KDM4B: variants seen among roughly 807,000 people sequenced by gnomAD.
KDM4B encodes lysine demethylase 4B.
Under a neutral mutation model 125.2 loss-of-function variants are expected in KDM4B, and 32 were observed. The ratio of observed to expected loss-of-function variants is 0.26; its 90% CI spans 0.19 to 0.34. KDM4B has a LOEUF of 0.34. KDM4B is among the 10% of genes least tolerant of loss of function. The pLI, the probability that KDM4B is intolerant of heterozygous loss-of-function variation, is 1.00. For synonymous variants in KDM4B, 721 were observed against 677.9 expected (o/e 1.06, Z -0.99); for missense variants, 1,190 against 1,577.7 (o/e 0.75, Z 4.16).
At chr19:5,128,570 G>A (rs1307441778) in intron 11 of KDM4B, among the ~76,000 whole-genome samples, 2 of 152,192 alleles carry the variant, frequency 1.3e-5, no homozygotes, top group Non-Finnish European at 1.5e-5. Flanking sequence ...GTCCTCAAGT[G>A]CCTTTTACAC....
rs1012410396 is a variant in KDM4B, at chr19:4,974,225, G to A, written c.-109+4995G>A. Among the ~76,000 whole-genome samples, 4 of 151,666 alleles carry A rather than the reference G, an allele frequency of 2.6e-5. No individual in the cohort carries two copies. The South Asian group carries it at 8.3e-4, about 32-fold the overall frequency. On this transcript the variant is annotated intron_variant, in intron 1 of 22. Transcript: ENST00000159111. The stretch of plus-strand genomic sequence containing the variant: ...ATCCTGGCTAACACCGTGAAACCCC[G>A]TCTCTACTAAAAATGCAAAAAAAAT...
At chr19:5,094,431 G>T (rs552353610) in intron 9 of KDM4B, among the ~76,000 whole-genome samples, 2 of 152,184 alleles carry the variant, frequency 1.3e-5, no homozygotes, top group Admixed American at 6.5e-5. Flanking sequence ...CACCATGTGC[G>T]GGGGGGAGGC....
chr19:5,003,263 C>T lies in KDM4B; in HGVS notation c.-108-12994C>T, dbSNP rs115497482. On this transcript the variant is annotated intron_variant, in intron 1 of 22. Transcript: ENST00000159111. ...TCATAGCACTTTGGGCCCAGGCGGG[C>T]GGATCACCTGAGGTCAGGAGTTCGA... 7.7e-3 allele frequency among the ~76,000 whole-genome samples: 1,166 copies of T among 151,754 alleles called. 13 individuals carry two copies. The highest frequency in any genetic ancestry group is 0.027 in the African/African-American group (1,116 of 41,362).
intron 10 of KDM4B, chr19:5,111,943 G>GT: frequency 1.5e-6 from 1 of 674,600 alleles, no homozygotes. Flanking sequence ...TAATTTTTCT[G>GT]TTTTGAGCCA....
At chr19:4,990,953 T>C (rs57779274) in intron 1 of KDM4B, among the ~76,000 whole-genome samples, 12,401 of 151,494 alleles carry the variant, frequency 0.082, 1,509 homozygotes, top group African/African-American at 0.26. Flanking sequence ...AAACCTCGTC[T>C]TTACTAAAAA....
intron 9 of KDM4B, among the ~76,000 whole-genome samples, chr19:5,086,705 C>T (rs1169232722): frequency 2.0e-5 from 3 of 152,178 alleles, no homozygotes; most frequent in African/African-American, 4.8e-5. Context: ...GCAGGTTGGC[C>T]CCCACCGCCT....
At position 5,144,298 on chromosome 19, in the gene KDM4B, C is replaced by A; in HGVS notation, c.2787C>A (p.Asn929Lys). 6.3e-7 allele frequency: 1 copy of A among 1,592,982 alleles called. No individual in the cohort carries two copies. Among genetic ancestry groups the A allele is most frequent in the South Asian group, 1.1e-5 (1 of 87,910 alleles). Residue 929 changes from asparagine (N) to lysine (K), a missense_variant, in exon 20 of 23, where the codon AAC becomes AAA. Physicochemically the swap from Asn to Lys is moderately conservative, Grantham distance 94 (BLOSUM62 0). Transcript: ENST00000159111. ...VSLGQVVITKNRNGLYYRCRV... is the reference protein window; with the variant it reads ...VSLGQVVITKKRNGLYYRCRV... ...TAGGCCAGGTGGTCATCACCAAGAA[C>A]CGCAACGGGCTGTACTACCGCTGTC...
chr19:5,092,622 C>T (rs1038465093), intron 9 of KDM4B, among the ~76,000 whole-genome samples: 18 of 152,148 alleles, frequency 1.2e-4, no homozygotes, highest in Non-Finnish European at 4.4e-5. Context: ...AGAGCTGGTT[C>T]GGGGGCTGCA....
rs568036504 is a variant in KDM4B, at chr19:5,044,613, A to G, written c.433-2863A>G. 2.7e-4 allele frequency among the ~76,000 whole-genome samples: 41 copies of G among 152,250 alleles called. 1 individual carries two copies. In the South Asian group the frequency reaches 5.8e-3, roughly 22 times the overall value. On this transcript the variant is annotated intron_variant, in intron 5 of 22. Coordinates refer to ENST00000159111, the MANE Select transcript of KDM4B (RefSeq NM_015015.3). ...ACCTAGGCTGCAGTGCAGTGGCGCA[A>G]TCTCAGCTCTCTGCAACCTTGCCTC...
chr19:5,009,272 A>G (rs1169320271), intron 1 of KDM4B, among the ~76,000 whole-genome samples: 1 of 152,164 alleles, frequency 6.6e-6, no homozygotes, highest in Non-Finnish European at 1.5e-5. Flanking sequence ...TTTGGTATCA[A>G]TAAGGATATG....
chr19:5,043,399 G>A (rs1463424879), intron 5 of KDM4B, among the ~76,000 whole-genome samples: 4 of 150,802 alleles, frequency 2.7e-5, no homozygotes, highest in African/African-American at 9.8e-5. Flanking sequence ...TCGGAGTGGG[G>A]GGGTCCACCG....
intron 1 of KDM4B, among the ~76,000 whole-genome samples, chr19:4,981,680 G>A (rs781599176): frequency 3.9e-5 from 6 of 152,156 alleles, no homozygotes; most frequent in East Asian, 1.9e-4. Context: ...GCCAGGCACC[G>A]GCGGTGCTGT....
intron 11 of KDM4B, among the ~76,000 whole-genome samples, chr19:5,128,860 C>T (rs35212716): frequency 1.0e-3 from 72 of 70,428 alleles, no homozygotes; most frequent in South Asian, 2.0e-3. Context: ...AGGCGGGGGG[C>T]GGGGGGGGGG....
intron 6 of KDM4B, among the ~76,000 whole-genome samples, chr19:5,054,432 T>C (rs1417930663): frequency 1.3e-5 from 2 of 151,806 alleles, no homozygotes; most frequent in Non-Finnish European, 2.9e-5. Context: ...TCCAGTGAAC[T>C]GTGATGCTGA....
At chr19:5,076,624 A>G (rs74172686) in intron 7 of KDM4B, 5,944 of 52,554 alleles carry the variant, frequency 0.11, 12 homozygotes, top group East Asian at 0.47. Flanking sequence ...GCCACACTGC[A>G]TCCTTTCCCC....
chr19:4,988,924 G>T (rs977780778), intron 1 of KDM4B, among the ~76,000 whole-genome samples: 1 of 152,136 alleles, frequency 6.6e-6, no homozygotes, highest in Non-Finnish European at 1.5e-5. Flanking sequence ...GGTCTTTTCA[G>T]TGAGCAGCCC....
intron 1 of KDM4B, among the ~76,000 whole-genome samples, chr19:4,998,285 GTGTC>G (rs2145415397): frequency 6.6e-6 from 1 of 152,370 alleles, no homozygotes; most frequent in East Asian, 1.9e-4. Flanking sequence ...GACCAAGCCT[GTGTC>G]TGTCCTGGGT....
At chr19:5,137,739 T>G in intron 17 of KDM4B, 63 bp downstream of exon 17, 2 of 1,445,140 alleles carry the variant, frequency 1.4e-6, no homozygotes, top group Non-Finnish European at 1.9e-6. Flanking sequence ...GCTGAGGCTC[T>G]GCAGGGTGTG....
In KDM4B at chr19:5,071,006, G is replaced by C; in HGVS notation, c.627-4G>C. On this transcript the variant is annotated splice_polypyrimidine_tract_variant and splice_region_variant and intron_variant, in intron 6 of 22. Coordinates refer to ENST00000159111, the MANE Select transcript of KDM4B (RefSeq NM_015015.3). ...GCCTCTGACGTGCCTCCCTTCTCTCGCAGGTACGCCATCCCACCAGAGCAC... is the reference window on the plus strand; with the variant it reads ...GCCTCTGACGTGCCTCCCTTCTCTCCCAGGTACGCCATCCCACCAGAGCAC... 1 of 1,613,512 alleles carries C rather than the reference G, an allele frequency of 6.2e-7. No homozygotes were observed. The highest frequency in any genetic ancestry group is 1.1e-5 in the South Asian group (1 of 91,078).
Sources: gnomAD v4.1 joint callset for allele counts (sites outside exome capture counted in the v4.1 genomes callset) on GRCh38, gnomAD v4.1.1 for gene constraint, MANE v1.5 for transcripts, NCBI Gene and HGNC (gene_info 2026-07-23, HGNC 2026-07-21) for gene names.